The following MDGA2 variants were observed in gnomAD, a reference collection of about 807,000 sequenced individuals.
The protein encoded by MDGA2 is MAM domain-containing glycosylphosphatidylinositol anchor protein 2.
A neutral mutation model predicts 117.8 loss-of-function variants in MDGA2; 40 were observed. The observed-to-expected ratio is 0.34, with a 90% confidence interval of 0.26 to 0.44. The LOEUF (loss-of-function observed/expected upper bound fraction) is 0.44. Among genes scored for constraint, MDGA2 ranks in the 20% least tolerant of loss-of-function variants. The pLI is 1.00. For missense variants in MDGA2, 1,123 were observed against 1,250.6 expected (o/e 0.90, Z 1.54); for synonymous variants, 452 against 439.0 (o/e 1.03, Z -0.37).
At chr14:47,526,291 C>G (rs1894972469) in intron 1 of MDGA2, among the ~76,000 whole-genome samples, 1 of 152,062 alleles carries the variant, frequency 6.6e-6, no homozygotes, top group Non-Finnish European at 1.5e-5. Context: ...AAATAGTACA[C>G]AAGATATTGC....
intron 2 of MDGA2, among the ~76,000 whole-genome samples, chr14:47,250,648 T>C (rs553264188): frequency 2.6e-5 from 4 of 152,338 alleles, no homozygotes; most frequent in Admixed American, 2.6e-4. Flanking sequence ...ACTTTGATCT[T>C]GGACTTCCCA....
chr14:47,255,363 A>C (rs1362283317), intron 2 of MDGA2, among the ~76,000 whole-genome samples: 2 of 152,094 alleles, frequency 1.3e-5, no homozygotes, highest in African/African-American at 2.4e-5. Flanking sequence ...CAGGGGACTG[A>C]CTGTGTGCCT....
intron 8 of MDGA2, among the ~76,000 whole-genome samples, chr14:46,969,860 C>T (rs905694492): frequency 4.0e-5 from 6 of 149,524 alleles, no homozygotes; most frequent in African/African-American, 1.5e-4. Context: ...GTGCAGCACA[C>T]CAACATGGCA....
At chr14:47,096,713 C>T in intron 6 of MDGA2, 141 bp downstream of exon 6, 1 of 838,872 alleles carries the variant, frequency 1.2e-6, no homozygotes, top group Non-Finnish European at 1.9e-6. Context: ...TAATTACCCA[C>T]CATTATTATT....
intron 1 of MDGA2, among the ~76,000 whole-genome samples, chr14:47,633,282 C>T (rs1467458663): frequency 6.6e-6 from 1 of 152,062 alleles, no homozygotes; most frequent in Non-Finnish European, 1.5e-5. Context: ...ATTCTGGACA[C>T]CTGACACAGA....
At chr14:47,621,220 T>C (rs1420373549) in intron 1 of MDGA2, among the ~76,000 whole-genome samples, 1 of 152,180 alleles carries the variant, frequency 6.6e-6, no homozygotes, top group Admixed American at 6.5e-5. Flanking sequence ...TCTTGAACCC[T>C]ATATTAAATA....
At chr14:47,657,879 C>T (rs1897773384) in intron 1 of MDGA2, among the ~76,000 whole-genome samples, 1 of 152,076 alleles carries the variant, frequency 6.6e-6, no homozygotes, top group African/African-American at 2.4e-5. Flanking sequence ...TGACACAGTC[C>T]TAAATTAATG....
intron 1 of MDGA2, among the ~76,000 whole-genome samples, chr14:47,370,906 C>T (rs1891342721): frequency 6.6e-6 from 1 of 151,618 alleles, no homozygotes. Flanking sequence ...TAATACTGTC[C>T]TGAATGTACA....
chr14:47,505,441 T>C (rs551438777), intron 1 of MDGA2, among the ~76,000 whole-genome samples: 1 of 152,278 alleles, frequency 6.6e-6, no homozygotes, highest in African/African-American at 2.4e-5. Flanking sequence ...CATAGATCTG[T>C]ATAAAAACAT....
At chr14:46,954,055 G>A (rs1337806293) in intron 9 of MDGA2, among the ~76,000 whole-genome samples, 1 of 151,902 alleles carries the variant, frequency 6.6e-6, no homozygotes, top group Non-Finnish European at 1.5e-5. Flanking sequence ...AGCATCCCTT[G>A]GGGTTGGTTT....
intron 1 of MDGA2, among the ~76,000 whole-genome samples, chr14:47,399,492 G>T (rs1892087125): frequency 6.6e-6 from 1 of 152,170 alleles, no homozygotes; most frequent in African/African-American, 2.4e-5. Context: ...TATCTTAGAA[G>T]AAGATTTATT....
chr14:47,034,826 A>C (rs1395727541), intron 8 of MDGA2, among the ~76,000 whole-genome samples, 185 bp downstream of exon 8: 1 of 152,094 alleles, frequency 6.6e-6, no homozygotes, highest in African/African-American at 2.4e-5. Flanking sequence ...CATTTAGGGT[A>C]GATTATAGTT....
chr14:47,363,918 CT>C (rs1416343453), intron 1 of MDGA2, among the ~76,000 whole-genome samples: 1 of 152,064 alleles, frequency 6.6e-6, no homozygotes, highest in African/African-American at 2.4e-5. Flanking sequence ...AACATGTATG[CT>C]TTTACTTTGC....
chr14:47,261,624 C>T (rs975847605), intron 2 of MDGA2, among the ~76,000 whole-genome samples: 1 of 152,018 alleles, frequency 6.6e-6, no homozygotes, highest in African/African-American at 2.4e-5. Context: ...AGCAAAAATA[C>T]CTTTAGGAAG....
rs536167156 is a variant in MDGA2, at chr14:47,054,112, T to C, written c.1525+7137A>G. Among the ~76,000 whole-genome samples the C allele has an allele frequency of 6.6e-5, 10 of 152,030 alleles. No individual in the cohort carries two copies. The South Asian group carries it at 2.1e-3, about 32-fold the overall frequency. On this transcript the variant is annotated intron_variant, in intron 7 of 16. Coordinates refer to ENST00000399232, the MANE Select transcript of MDGA2 (RefSeq NM_001113498.3). ...AGATTGTGAGTACTACCCAGCACCT[T>C]ATCTGATTCCTATCTATCTGTCCAA... is the stretch of plus-strand genomic sequence containing the variant.
At chr14:47,508,611 A>G (rs1894571091) in intron 1 of MDGA2, among the ~76,000 whole-genome samples, 1 of 152,152 alleles carries the variant, frequency 6.6e-6, no homozygotes, top group South Asian at 2.1e-4. Flanking sequence ...CTAGAACAAT[A>G]TAGGAGGCAA....
At chr14:47,146,428 C>T (rs897404009) in intron 3 of MDGA2, among the ~76,000 whole-genome samples, 12 of 152,098 alleles carry the variant, frequency 7.9e-5, no homozygotes, top group Middle Eastern at 3.4e-3. Context: ...AGCTGTGCAG[C>T]GATATATGCT....
At chr14:47,450,830 G>T (rs915273991) in intron 1 of MDGA2, among the ~76,000 whole-genome samples, 3 of 152,066 alleles carry the variant, frequency 2.0e-5, no homozygotes, top group Non-Finnish European at 4.4e-5. Context: ...TTATAATAAA[G>T]GTTAATGAAT....
chr14:46,992,685 T>C (rs1230265506), intron 8 of MDGA2, among the ~76,000 whole-genome samples: 3 of 152,134 alleles, frequency 2.0e-5, no homozygotes, highest in Non-Finnish European at 4.4e-5. Context: ...AGACCGGAGT[T>C]CTCCAGTAAT....
Sources: allele counts gnomAD v4.1 joint callset (sites outside exome capture counted in the v4.1 genomes callset), GRCh38; gene constraint gnomAD v4.1.1; transcripts MANE v1.5; gene names NCBI Gene and HGNC (gene_info 2026-07-23, HGNC 2026-07-21).